RBM33: variants seen among roughly 807,000 people sequenced by gnomAD.
RBM33 encodes the protein RNA binding motif protein 33.
In RBM33, 28 loss-of-function variants were observed where a neutral mutation model predicts 132.6. The ratio of observed to expected loss-of-function variants is 0.21; its 90% CI spans 0.16 to 0.29. The LOEUF (loss-of-function observed/expected upper bound fraction) is 0.29. RBM33 is among the 10% of genes least tolerant of loss of function. The pLI, the probability that RBM33 is intolerant of heterozygous loss-of-function variation, is 1.00. For missense variants in RBM33, 1,291 were observed against 1,518.5 expected (o/e 0.85, Z 2.49); for synonymous variants, 634 against 593.0 (o/e 1.07, Z -1.01).
chr7:155,676,039 G>A (rs978386465), intron 3 of RBM33, among the ~76,000 whole-genome samples: 4 of 152,064 alleles, frequency 2.6e-5, no homozygotes, highest in Admixed American at 1.3e-4. Flanking sequence ...TCTATGAATG[G>A]AGTTCACATG....
At chr7:155,739,656 T>A in intron 11 of RBM33, 59 bp from the exon 12 acceptor site, 1 of 1,455,992 alleles carries the variant, frequency 6.9e-7, no homozygotes, top group East Asian at 2.5e-5. Context: ...ATGATTGAAG[T>A]GATTATGCCC....
At chr7:155,759,097 C>T (rs928596274) in intron 14 of RBM33, among the ~76,000 whole-genome samples, 3 of 152,200 alleles carry the variant, frequency 2.0e-5, no homozygotes, top group South Asian at 2.1e-4. Flanking sequence ...AAGTCGTCAA[C>T]GAGGTATGAC....
intron 9 of RBM33, among the ~76,000 whole-genome samples, chr7:155,722,547 T>C (rs1378747996): frequency 6.6e-6 from 1 of 152,236 alleles, no homozygotes; most frequent in African/African-American, 2.4e-5. Context: ...GGTGTTTTTG[T>C]CACTAATATA....
chr7:155,777,177 G>C lies in RBM33; in HGVS notation c.*2136G>C, dbSNP rs1802641780. Reference sequence around the variant, plus strand: ...AGTCAGTGTTAATAAAACGGATCCTGTTTGGGCCTTCATTGTTAAGGTGGA... The same window carrying C: ...AGTCAGTGTTAATAAAACGGATCCTCTTTGGGCCTTCATTGTTAAGGTGGA... On this transcript the variant is annotated 3_prime_UTR_variant, in exon 18 of 18. Transcript: ENST00000401878. 1 of 152,506 alleles carries C rather than the reference G, an allele frequency of 6.6e-6. No individual in the cohort carries two copies. 9.4% of individuals were successfully genotyped at this position (152,506 alleles called of 1,614,324 possible). A position where few individuals can be genotyped will look rare whatever the true frequency, so the allele number is the denominator to read the frequency against.
intron 7 of RBM33, among the ~76,000 whole-genome samples, chr7:155,708,210 G>T (rs2116971367): frequency 6.6e-6 from 1 of 152,348 alleles, no homozygotes; most frequent in East Asian, 1.9e-4. Context: ...ACTCTGATAT[G>T]TAAAGGGAGA....
intron 1 of RBM33, among the ~76,000 whole-genome samples, chr7:155,663,930 A>G (rs1282057716): frequency 6.6e-6 from 1 of 152,170 alleles, no homozygotes; most frequent in East Asian, 1.9e-4. Context: ...GGTGCCACCC[A>G]TTTGTCAGTT....
chr7:155,733,094 A>G (rs1432594025), intron 9 of RBM33, among the ~76,000 whole-genome samples: 1 of 152,150 alleles, frequency 6.6e-6, no homozygotes, highest in Non-Finnish European at 1.5e-5. Context: ...TTACAAGAGA[A>G]GCCGTTTTCT....
In RBM33 at chr7:155,690,941, G is replaced by A. The variant is rs140572353; in HGVS notation, c.568-9832G>A. On this transcript the variant is annotated intron_variant, in intron 5 of 17. Transcript: ENST00000401878. ...CAACTTTGGTGAATCTGACAATTAT[G>A]TGTCTTGGAGTGGCTCTTCTCGAGG... Among the ~76,000 whole-genome samples, 421 of 152,162 alleles carry A rather than the reference G, an allele frequency of 2.8e-3. 2 individuals are homozygous for A. Among genetic ancestry groups the A allele is most frequent in the African/African-American group, 9.5e-3 (394 of 41,518 alleles).
At chr7:155,730,189 A>C (rs530007842) in intron 9 of RBM33, among the ~76,000 whole-genome samples, 1 of 152,350 alleles carries the variant, frequency 6.6e-6, no homozygotes, top group East Asian at 1.9e-4. Context: ...CGGCAGTTGA[A>C]GGGCAGAGAG....
chr7:155,655,568 G>T (rs1798471905), intron 1 of RBM33, among the ~76,000 whole-genome samples: 2 of 112,340 alleles, frequency 1.8e-5, no homozygotes. Flanking sequence ...TTACTGTGCT[G>T]ACATTTGCAT....
intron 3 of RBM33, among the ~76,000 whole-genome samples, chr7:155,674,277 G>C (rs1799113161): frequency 6.6e-6 from 1 of 152,082 alleles, no homozygotes; most frequent in Admixed American, 6.6e-5. Flanking sequence ...TCTGGAGTGT[G>C]AGTGGGATGT....
intron 16 of RBM33, among the ~76,000 whole-genome samples, chr7:155,767,426 A>C (rs11505217): frequency 0.18 from 28,021 of 152,222 alleles, 2,674 homozygotes; most frequent in East Asian, 0.28. Flanking sequence ...GGATGCACAG[A>C]GTACATGTCA....
At position 155,650,144 on chromosome 7, in the gene RBM33, T is replaced by G. The variant is rs139276527; in HGVS notation, c.43+5225T>G. Among the ~76,000 whole-genome samples, 281 of 152,328 alleles carry G rather than the reference T, an allele frequency of 1.8e-3. 2 individuals are homozygous for G. The highest frequency in any genetic ancestry group is 6.4e-3 in the African/African-American group (268 of 41,580). On this transcript the variant is annotated intron_variant, in intron 1 of 17. Transcript: ENST00000401878. ...AGGTGACCCTGGTTAGTGGATGTCT[T>G]TAAATGCTTTTGACAAGCACTGCCT...
intron 13 of RBM33, among the ~76,000 whole-genome samples, chr7:155,744,694 G>T (rs1016351361): frequency 2.6e-5 from 4 of 152,140 alleles, no homozygotes; most frequent in Admixed American, 2.0e-4. Context: ...AGTTTAATTG[G>T]TTTCAAACTT....
Position 155,673,940 on chromosome 7 carries a change from G to GTTGTTT in RBM33, c.171+1027_171+1028insGTTTTT. Among the ~76,000 whole-genome samples, 14 of 54,196 alleles carry GTTGTTT rather than the reference G, an allele frequency of 2.6e-4. 1 individual carries two copies. Among genetic ancestry groups the GTTGTTT allele is most frequent in the African/African-American group, 1.2e-3 (14 of 12,126 alleles). The allele number at this position is 54,196 out of a possible 152,430, so 35.6% of individuals were successfully genotyped here. A position where few individuals can be genotyped will look rare whatever the true frequency, so the allele number is the denominator to read the frequency against. ...TCATTATCAAGATAGTTTAGGCTTA[G>GTTGTTT]TTTTTTTTTTTTTTTTTTTTTTTTT... On this transcript the variant is annotated intron_variant, in intron 3 of 17. Transcript: ENST00000401878.
At chr7:155,720,967 T>G (rs1406109005) in intron 9 of RBM33, among the ~76,000 whole-genome samples, 1 of 152,216 alleles carries the variant, frequency 6.6e-6, no homozygotes, top group Admixed American at 6.5e-5. Flanking sequence ...TCAGTGTGCT[T>G]CTTAGTACGC....
intron 9 of RBM33, 122 bp downstream of exon 9, chr7:155,718,565 A>G (rs988689046): frequency 2.6e-6 from 2 of 776,792 alleles, no homozygotes. Flanking sequence ...AAATATTGAC[A>G]ATAATCTCTG....
At chr7:155,659,465 T>C (rs1231411889) in intron 1 of RBM33, among the ~76,000 whole-genome samples, 1 of 151,882 alleles carries the variant, frequency 6.6e-6, no homozygotes, top group Admixed American at 6.6e-5. Flanking sequence ...AGTAAACTCT[T>C]TAGAGGGGAT....
chr7:155,737,412 G>C (rs1000548358), intron 9 of RBM33, 118 bp from the exon 10 acceptor site: 1 of 909,472 alleles, frequency 1.1e-6, no homozygotes, highest in Non-Finnish European at 1.6e-6. Context: ...GTGACTGTTA[G>C]GAGACACGTT....
Sources: allele counts gnomAD v4.1 joint callset (sites outside exome capture counted in the v4.1 genomes callset), GRCh38; gene constraint gnomAD v4.1.1; transcripts MANE v1.5; gene names NCBI Gene and HGNC (gene_info 2026-07-23, HGNC 2026-07-21).